GRM7: variants seen among roughly 807,000 people sequenced by gnomAD.
GRM7 encodes the protein metabotropic glutamate receptor 7.
Under a neutral mutation model 84.5 loss-of-function variants are expected in GRM7, and 35 were observed. The observed-to-expected ratio is 0.41, with a 90% CI of 0.32 to 0.55. The LOEUF (loss-of-function observed/expected upper bound fraction) is 0.55, where lower values mean the gene tolerates loss of function less well. Among genes scored for constraint, GRM7 ranks in the 20% least tolerant of loss-of-function variants. The pLI is 0.19. For missense variants in GRM7, 1,003 were observed against 1,194.6 expected (o/e 0.84, Z 2.36); for synonymous variants, 487 against 455.1 (o/e 1.07, Z -0.89).
rs1017145666 is a variant in GRM7 at position 7,207,804 on chromosome 3, ACTTT to A, written c.736+61142_736+61145del. 7.2e-4 allele frequency among the ~76,000 whole-genome samples: 110 copies of A among 152,342 alleles called. 2 individuals carry two copies. Among genetic ancestry groups the A allele is most frequent in the African/African-American group, 2.5e-3 (106 of 41,584 alleles). The stretch of plus-strand genomic sequence containing the variant: ...CTAGCACAACTTTCAGAATTATTTT[ACTTT>A]CTTTCCAAATCATACTGGTTTTGCT... On this transcript the variant is annotated intron_variant, in intron 2 of 9. Transcript: ENST00000357716.
intron 8 of GRM7, among the ~76,000 whole-genome samples, chr3:7,625,229 T>C (rs1013222713): frequency 2.6e-5 from 4 of 152,100 alleles, no homozygotes; most frequent in Non-Finnish European, 5.9e-5. Flanking sequence ...AATGCGGTGG[T>C]GCATTTGGAA....
chr3:7,321,551 T>G (rs1217399830), intron 4 of GRM7, among the ~76,000 whole-genome samples: 14 of 152,004 alleles, frequency 9.2e-5, no homozygotes, highest in South Asian at 4.1e-4. Context: ...AGAACAAAAT[T>G]TATCTTTTTC....
chr3:7,574,360 A>G (rs1333972519), intron 7 of GRM7, among the ~76,000 whole-genome samples: 1 of 152,030 alleles, frequency 6.6e-6, no homozygotes, highest in Non-Finnish European at 1.5e-5. Flanking sequence ...GGGTTTCACT[A>G]TGTTGGCCAG....
At chr3:7,618,833 G>A (rs1242948874) in intron 8 of GRM7, among the ~76,000 whole-genome samples, 1 of 151,924 alleles carries the variant, frequency 6.6e-6, no homozygotes, top group South Asian at 2.1e-4. Flanking sequence ...AATACAGAAG[G>A]TCCAGTGCTG....
At chr3:7,371,366 C>G (rs1694125056) in intron 4 of GRM7, among the ~76,000 whole-genome samples, 1 of 152,074 alleles carries the variant, frequency 6.6e-6, no homozygotes, top group Non-Finnish European at 1.5e-5. Flanking sequence ...TTTCACCTCT[C>G]AAATACCTTA....
chr3:7,536,121 G>T (rs1701233368), intron 7 of GRM7, among the ~76,000 whole-genome samples: 2 of 152,186 alleles, frequency 1.3e-5, no homozygotes, highest in Non-Finnish European at 2.9e-5. Flanking sequence ...TGGTGGCTCA[G>T]ATGATGGGCT....
At chr3:7,644,547 C>T (rs897576755) in intron 8 of GRM7, among the ~76,000 whole-genome samples, 4 of 152,076 alleles carry the variant, frequency 2.6e-5, no homozygotes, top group African/African-American at 4.8e-5. Flanking sequence ...GATGCAGAAA[C>T]TGAGGAAAAA....
At chr3:7,202,617 C>A (rs1696103408) in intron 2 of GRM7, among the ~76,000 whole-genome samples, 1 of 152,156 alleles carries the variant, frequency 6.6e-6, no homozygotes, top group Non-Finnish European at 1.5e-5. Context: ...AGACATGAGC[C>A]ACAGCAGCTG....
chr3:7,601,157 ATTT>A (rs548425498), intron 8 of GRM7, among the ~76,000 whole-genome samples: 147 of 152,256 alleles, frequency 9.7e-4, no homozygotes, highest in African/African-American at 2.9e-3. Context: ...TGATCTTGTT[ATTT>A]AAGGCATTAA....
At chr3:6,982,890 A>C (rs929057341) in intron 1 of GRM7, among the ~76,000 whole-genome samples, 12 of 152,236 alleles carry the variant, frequency 7.9e-5, no homozygotes, top group Admixed American at 2.0e-4. Context: ...AGAGAAGGAC[A>C]TTTGGGCTGT....
chr3:6,993,471 A>G (rs747972442), intron 1 of GRM7, among the ~76,000 whole-genome samples: 5 of 152,254 alleles, frequency 3.3e-5, no homozygotes, highest in Admixed American at 2.6e-4. Context: ...AATTCAGATT[A>G]GCTCAAATAC....
At chr3:7,029,205 C>T (rs374902920) in intron 1 of GRM7, among the ~76,000 whole-genome samples, 2 of 150,142 alleles carry the variant, frequency 1.3e-5, no homozygotes, top group East Asian at 3.9e-4. Context: ...TTGGGAGGCT[C>T]AGGCAGGAGA....
At chr3:6,888,540 A>G (rs9840538) in intron 1 of GRM7, among the ~76,000 whole-genome samples, 28,283 of 151,456 alleles carry the variant, frequency 0.19, 2,840 homozygotes, top group Middle Eastern at 0.23. Context: ...TCAGATAGCT[A>G]TAGATATGCA....
intron 7 of GRM7, among the ~76,000 whole-genome samples, chr3:7,495,445 C>T (rs1479102086): frequency 6.6e-6 from 1 of 152,094 alleles, no homozygotes; most frequent in Admixed American, 6.6e-5. Context: ...GGGCCCCTCA[C>T]TCACCCTTCT....
chr3:7,333,158 C>T (rs1453870661), intron 4 of GRM7, among the ~76,000 whole-genome samples: 2 of 151,416 alleles, frequency 1.3e-5, no homozygotes, highest in African/African-American at 2.5e-5. Context: ...TGAGTCTGCC[C>T]ACATGACAAC....
At chr3:7,636,431 A>G in intron 8 of GRM7, 1 of 376,280 alleles carries the variant, frequency 2.7e-6, no homozygotes. Context: ...TGTTCACTCT[A>G]AAGTTACAAG....
intron 5 of GRM7, among the ~76,000 whole-genome samples, chr3:7,427,437 T>G (rs1696656585): frequency 6.6e-6 from 1 of 152,208 alleles, no homozygotes; most frequent in Non-Finnish European, 1.5e-5. Flanking sequence ...GTAAAAATAA[T>G]AAAATAACCC....
At chr3:6,874,261 A>T (rs2124948489) in intron 1 of GRM7, among the ~76,000 whole-genome samples, 1 of 152,352 alleles carries the variant, frequency 6.6e-6, no homozygotes, top group Middle Eastern at 3.4e-3. Context: ...ATCAGTAAGT[A>T]GCTGAACAAC....
chr3:7,105,741 A>G (rs958370704), intron 1 of GRM7, among the ~76,000 whole-genome samples: 7 of 151,752 alleles, frequency 4.6e-5, no homozygotes, highest in Non-Finnish European at 8.8e-5. Context: ...TTATTAATAT[A>G]TAGTTATGTC....
Sources: gnomAD v4.1 joint callset for allele counts (sites outside exome capture counted in the v4.1 genomes callset) on GRCh38, gnomAD v4.1.1 for gene constraint, MANE v1.5 for transcripts, NCBI Gene and HGNC (gene_info 2026-07-23, HGNC 2026-07-21) for gene names.